The following ADGRL3 variants were observed in gnomAD, a reference collection of about 807,000 sequenced individuals.
ADGRL3 encodes the protein adhesion G protein-coupled receptor L3.
In ADGRL3, 62 loss-of-function variants were observed where a neutral mutation model predicts 153.5. The ratio of observed to expected loss-of-function variants is 0.40; its 90% CI spans 0.33 to 0.50. The LOEUF (loss-of-function observed/expected upper bound fraction) is 0.50, where lower values mean the gene tolerates loss of function less well. ADGRL3 is among the 20% of genes least tolerant of loss of function. ADGRL3 has a pLI of 0.47. For synonymous variants in ADGRL3, 710 were observed against 672.5 expected (o/e 1.06, Z -0.86); for missense variants, 1,641 against 1,859.4 (o/e 0.88, Z 2.16).
rs540133736 is a variant in ADGRL3 at position 61,766,731 on chromosome 4, C to T, written c.1399+33177C>T. Among the ~76,000 whole-genome samples, 141 of 151,486 alleles carry T rather than the reference C, an allele frequency of 9.3e-4. 1 individual carries two copies. The highest frequency in any genetic ancestry group is 3.3e-3 in the African/African-American group (134 of 41,136). ...GTGTCAGGGTCAGTCCAAGTGAAAG[C>T]GAAGAGAGGCTGGGATTAAGGGTGC... On this transcript the variant is annotated intron_variant, in intron 8 of 26. Transcript: ENST00000683033.
At chr4:61,794,461 TG>T (rs1208775867) in intron 8 of ADGRL3, among the ~76,000 whole-genome samples, 1 of 152,226 alleles carries the variant, frequency 6.6e-6, no homozygotes, top group Admixed American at 6.5e-5. Context: ...CCACATTGGT[TG>T]GTTTTTAAAC....
At chr4:61,214,715 C>T (rs4860400) in intron 1 of ADGRL3, among the ~76,000 whole-genome samples, 56,611 of 151,908 alleles carry the variant, frequency 0.37, 11,657 homozygotes, top group Middle Eastern at 0.52. Flanking sequence ...GCAGGAGAAT[C>T]GCTTGAACCC....
intron 3 of ADGRL3, among the ~76,000 whole-genome samples, chr4:61,510,146 C>G (rs1452598860): frequency 6.6e-6 from 1 of 151,952 alleles, no homozygotes; most frequent in African/African-American, 2.4e-5. Context: ...CATTTAAGCT[C>G]TCTGTAATAT....
At chr4:61,830,966 G>T (rs1007801403) in intron 9 of ADGRL3, among the ~76,000 whole-genome samples, 2 of 152,112 alleles carry the variant, frequency 1.3e-5, no homozygotes, top group African/African-American at 4.8e-5. Flanking sequence ...TTGGTTCACT[G>T]CAACCTCTGC....
At chr4:61,970,851 C>T (rs970176058) in intron 17 of ADGRL3, among the ~76,000 whole-genome samples, 6 of 152,086 alleles carry the variant, frequency 3.9e-5, no homozygotes, top group Non-Finnish European at 5.9e-5. Flanking sequence ...TTTCACTTTC[C>T]CAAGAGCTTG....
chr4:61,764,323 G>A (rs892237735), intron 8 of ADGRL3, among the ~76,000 whole-genome samples: 4 of 151,864 alleles, frequency 2.6e-5, no homozygotes, highest in Non-Finnish European at 5.9e-5. Flanking sequence ...GAGAGTCAGC[G>A]AAGGGAGATA....
At chr4:61,822,064 C>CTAACTTATCTGAT (rs2097760814) in intron 9 of ADGRL3, among the ~76,000 whole-genome samples, 1 of 152,188 alleles carries the variant, frequency 6.6e-6, no homozygotes, top group South Asian at 2.1e-4. Flanking sequence ...TGATGCTTTT[C>CTAACTTATCTGAT]TAACTTATCT....
intron 6 of ADGRL3, among the ~76,000 whole-genome samples, chr4:61,688,047 G>A (rs985425388): frequency 5.9e-5 from 9 of 151,982 alleles, no homozygotes; most frequent in Non-Finnish European, 1.0e-4. Flanking sequence ...ATCCGAATAA[G>A]TATAACAAGA....
intron 1 of ADGRL3, among the ~76,000 whole-genome samples, chr4:61,359,435 C>T (rs1047132365): frequency 1.6e-4 from 24 of 152,280 alleles, no homozygotes; most frequent in African/African-American, 5.5e-4. Context: ...TCTGATCCCT[C>T]CTACCATTCT....
intron 3 of ADGRL3, among the ~76,000 whole-genome samples, chr4:61,501,109 C>A (rs1021415604): frequency 6.6e-6 from 1 of 152,138 alleles, no homozygotes; most frequent in African/African-American, 2.4e-5. Flanking sequence ...AGATGAAATT[C>A]CAGCTCTGCC....
At chr4:61,339,190 T>A (rs1470237361) in intron 1 of ADGRL3, among the ~76,000 whole-genome samples, 2 of 152,104 alleles carry the variant, frequency 1.3e-5, no homozygotes. Context: ...ATTATAAGAG[T>A]AGTCCTATTA....
intron 1 of ADGRL3, among the ~76,000 whole-genome samples, chr4:61,330,668 G>A (rs1034956660): frequency 5.3e-5 from 8 of 152,142 alleles, no homozygotes; most frequent in Admixed American, 4.6e-4. Flanking sequence ...CGGACCCAAA[G>A]AGTGAGCAGC....
At chr4:61,607,383 G>C (rs574450625) in intron 5 of ADGRL3, among the ~76,000 whole-genome samples, 24 of 152,234 alleles carry the variant, frequency 1.6e-4, no homozygotes, top group South Asian at 6.2e-4. Flanking sequence ...CGGATTACGA[G>C]GTCAGGAGTT....
At chr4:61,234,680 G>T (rs1230164691) in intron 1 of ADGRL3, among the ~76,000 whole-genome samples, 1 of 152,136 alleles carries the variant, frequency 6.6e-6, no homozygotes, top group Non-Finnish European at 1.5e-5. Context: ...TAGAAGGAAA[G>T]AAAATGTTTC....
At chr4:62,025,573 T>G (rs760022036) in intron 21 of ADGRL3, among the ~76,000 whole-genome samples, 39 of 152,274 alleles carry the variant, frequency 2.6e-4, no homozygotes, top group Non-Finnish European at 5.0e-4. Context: ...TAACTGAATC[T>G]TCTTAGTCCT....
At chr4:62,062,769 A>T (rs2151873809) in intron 25 of ADGRL3, among the ~76,000 whole-genome samples, 1 of 152,230 alleles carries the variant, frequency 6.6e-6, no homozygotes, top group South Asian at 2.1e-4. Flanking sequence ...GGAAAATGGA[A>T]AACGGAAAAT....
chr4:61,528,425 A>G (rs1339032077), intron 4 of ADGRL3, among the ~76,000 whole-genome samples: 1 of 152,142 alleles, frequency 6.6e-6, no homozygotes, highest in African/African-American at 2.4e-5. Context: ...AACAGAGGAT[A>G]TATCTTTCAT....
Position 61,322,134 on chromosome 4 carries a change from AAG to A in ADGRL3, c.-239-60983_-239-60982del, listed in dbSNP as rs531620804. ...CATCTTACATGGATAACAGCAGGCAAAGAGAGAGCTTGTGCAGAGAAACTCCA... is the reference window on the plus strand; with the variant it reads ...CATCTTACATGGATAACAGCAGGCAAAGAGAGCTTGTGCAGAGAAACTCCA... On this transcript the variant is annotated intron_variant, in intron 1 of 26. Coordinates refer to ENST00000683033, the MANE Select transcript of ADGRL3 (RefSeq NM_001387552.1). Among the ~76,000 whole-genome samples the A allele has an allele frequency of 1.0e-3, 154 of 152,276 alleles. 1 individual carries two copies. Among genetic ancestry groups the A allele is most frequent in the South Asian group, 1.4e-3 (7 of 4,830 alleles).
intron 2 of ADGRL3, among the ~76,000 whole-genome samples, chr4:61,435,334 A>G (rs2097431168): frequency 6.6e-6 from 1 of 152,110 alleles, no homozygotes; most frequent in African/African-American, 2.4e-5. Flanking sequence ...GATCATTACT[A>G]TAAATAAATG....
Sources: allele counts gnomAD v4.1 joint callset (sites outside exome capture counted in the v4.1 genomes callset), GRCh38; gene constraint gnomAD v4.1.1; transcripts MANE v1.5; gene names NCBI Gene and HGNC (gene_info 2026-07-23, HGNC 2026-07-21).